Variants in WDR12 observed in about 807,000 individuals in gnomAD.
WDR12 encodes ribosome biogenesis protein WDR12.
WDR12 carries 42 observed loss-of-function variants against 64.3 expected under a neutral mutation model. That is an observed-to-expected ratio of 0.65 (90% CI 0.51 to 0.84). The LOEUF (loss-of-function observed/expected upper bound fraction) is 0.84. Ranked by LOEUF, WDR12 falls within the 40% of genes least tolerant of loss-of-function variation. The probability of loss-of-function intolerance (pLI) is 0.00; values close to 1 mark genes in which losing one functional copy is unlikely to be tolerated. For missense variants in WDR12, 469 were observed against 494.6 expected, an observed-to-expected ratio of 0.95 and a Z score of 0.49; for synonymous variants, 158 against 173.3, an observed-to-expected ratio of 0.91 and a Z score of 0.70.
rs1056785711 is a variant in WDR12, at chr2:202,877,937, A to T, written c.*2923T>A. On this transcript the variant is annotated 3_prime_UTR_variant, in exon 13 of 13. Coordinates refer to ENST00000261015, the MANE Select transcript of WDR12 (RefSeq NM_018256.4). Reference sequence around the variant, plus strand: ...TGAAAGGTCTCATGGCTTTTGAGGGAAAGGGTGTGGAGCAATATCAGAGGA... The same window carrying T: ...TGAAAGGTCTCATGGCTTTTGAGGGTAAGGGTGTGGAGCAATATCAGAGGA... 6.6e-6 allele frequency: 1 copy of T among 152,248 alleles called. No homozygotes were observed. The highest frequency in any genetic ancestry group is 1.5e-5 in the Non-Finnish European group (1 of 68,106). 9.4% of individuals were successfully genotyped at this position (152,248 alleles called of 1,614,324 possible). A position where few individuals can be genotyped will look rare whatever the true frequency, so the allele number is the denominator to read the frequency against.
chr2:202,896,985 AAAAAC>A (rs541694225), intron 5 of WDR12, among the ~76,000 whole-genome samples: 97 of 152,212 alleles, frequency 6.4e-4, no homozygotes, highest in East Asian at 2.1e-3. Flanking sequence ...AGACTATCTC[AAAAAC>A]AAAACAAAAC....
rs779782387 is a variant in WDR12 at position 202,876,622 on chromosome 2, C to A, written c.*4238G>T. On this transcript the variant is annotated 3_prime_UTR_variant, in exon 13 of 13. Coordinates refer to ENST00000261015, the MANE Select transcript of WDR12 (RefSeq NM_018256.4). ...ATATTTTTTCCTTTAAGAATAGGAG[C>A]CATAGTAATATCTATTAAAAAATCT... is the stretch of plus-strand genomic sequence containing the variant. The A allele has an allele frequency of 1.3e-5, 2 of 152,100 alleles. No individual in the cohort carries two copies. Among genetic ancestry groups the A allele is most frequent in the Non-Finnish European group, 2.9e-5 (2 of 68,028 alleles). 9.4% of individuals were successfully genotyped at this position (152,100 alleles called of 1,614,324 possible).
rs774582307 is a variant in WDR12, at chr2:202,911,504, G to A, written c.-28C>T. On this transcript the variant is annotated 5_prime_UTR_variant, in exon 1 of 13. Transcript: ENST00000261015. ...CGAGGAGTACACACGACTTGCCCAC[G>A]GAAACGTACGGGTTAGCAGACCCAC... The A allele has an allele frequency of 6.2e-7, 1 of 1,612,502 alleles. No homozygotes were observed. Among genetic ancestry groups the A allele is most frequent in the Non-Finnish European group, 8.5e-7 (1 of 1,178,554 alleles).
At chr2:202,883,187 G>A (rs770656414) in intron 11 of WDR12, among the ~76,000 whole-genome samples, 3 of 152,148 alleles carry the variant, frequency 2.0e-5, no homozygotes, top group African/African-American at 4.8e-5. Flanking sequence ...CCAGGCTGGA[G>A]TGCACTGATG....
chr2:202,895,820 G>A (rs1436410344), intron 6 of WDR12, among the ~76,000 whole-genome samples: 7 of 151,436 alleles, frequency 4.6e-5, no homozygotes, highest in African/African-American at 1.7e-4. Context: ...GTGAGCCACC[G>A]CGCCCGGCCC....
At chr2:202,883,823 T>TG in intron 10 of WDR12, 82 bp from the exon 11 acceptor site, 1 of 1,474,864 alleles carries the variant, frequency 6.8e-7, no homozygotes, top group South Asian at 1.3e-5. Context: ...TTGTAGAAAT[T>TG]TTTTTTTTGA....
intron 10 of WDR12, 49 bp downstream of exon 10, chr2:202,884,149 A>C (rs1199260242): frequency 6.4e-7 from 1 of 1,568,058 alleles, no homozygotes; most frequent in Non-Finnish European, 8.7e-7. Flanking sequence ...AGAGATGAGA[A>C]ATAGATGTTA....
In WDR12 at chr2:202,882,698, A is replaced by G; in HGVS notation, c.1194+13T>C. Reference sequence around the variant, plus strand: ...TCACTTTCCTCTTCATCAAATAACTAATAAATTCTTACCCCTGTGTCTGTC... The same window carrying G: ...TCACTTTCCTCTTCATCAAATAACTGATAAATTCTTACCCCTGTGTCTGTC... On this transcript the variant is annotated intron_variant, in intron 12 of 12. Coordinates refer to ENST00000261015, the MANE Select transcript of WDR12 (RefSeq NM_018256.4). 1 of 1,610,614 alleles carries G rather than the reference A, an allele frequency of 6.2e-7. No individual in the cohort carries two copies. Among genetic ancestry groups the G allele is most frequent in the Non-Finnish European group, 8.5e-7 (1 of 1,177,090 alleles).
chr2:202,895,263 A>C (rs528536292), intron 6 of WDR12, among the ~76,000 whole-genome samples: 127 of 152,246 alleles, frequency 8.3e-4, no homozygotes, highest in African/African-American at 2.7e-3. Context: ...CATATTAATA[A>C]ATCAATATGG....
chr2:202,900,337 A>G (rs1303333766), intron 3 of WDR12, among the ~76,000 whole-genome samples: 1 of 151,926 alleles, frequency 6.6e-6, no homozygotes, highest in Non-Finnish European at 1.5e-5. Context: ...TCAGAAAAAA[A>G]AAAAAAAAAG....
rs1306660291 is a variant in WDR12, at chr2:202,882,713, C to T, written c.1192G>A (p.Gly398Arg). Reference sequence around the variant, plus strand: ...TCAAATAACTAATAAATTCTTACCCCTGTGTCTGTCCAGTCTACACTCAGA... The same window carrying T: ...TCAAATAACTAATAAATTCTTACCCTTGTGTCTGTCCAGTCTACACTCAGA... The part of the protein sequence containing the change: ...KVLSVDWTDT[G>R]LLLSGGADNK... The change falls in exon 12 of 13, where the codon GGG (glycine) becomes AGG (arginine). Residue 398 changes from glycine to arginine, a missense_variant and splice_region_variant. Transcript: ENST00000261015. 5 of 1,613,482 alleles carry T rather than the reference C, an allele frequency of 3.1e-6. No individual in the cohort carries two copies. The highest frequency in any genetic ancestry group is 2.5e-6 in the Non-Finnish European group (3 of 1,179,456).
rs1226330818 is a variant in WDR12 at position 202,877,594 on chromosome 2, G to A, written c.*3266C>T. 6.6e-6 allele frequency: 1 copy of A among 152,258 alleles called. No individual in the cohort carries two copies. Among genetic ancestry groups the A allele is most frequent in the African/African-American group, 2.4e-5 (1 of 41,454 alleles). 9.4% of individuals were successfully genotyped at this position (152,258 alleles called of 1,614,324 possible). On this transcript the variant is annotated 3_prime_UTR_variant, in exon 13 of 13. Coordinates refer to ENST00000261015, the MANE Select transcript of WDR12 (RefSeq NM_018256.4). ...TGAGAGGCCAGCTTGAGCCCAGAAG[G>A]TGGAGGTTGCAGTAAGCCAAGATTA...
chr2:202,893,820 T>C (rs1688194022), intron 7 of WDR12, among the ~76,000 whole-genome samples: 1 of 152,150 alleles, frequency 6.6e-6, no homozygotes, highest in Non-Finnish European at 1.5e-5. Context: ...TCCTCCTCCC[T>C]CAATTTGCTC....
intron 8 of WDR12, among the ~76,000 whole-genome samples, chr2:202,885,814 C>A (rs563034948): frequency 6.6e-6 from 1 of 152,204 alleles, no homozygotes; most frequent in South Asian, 2.1e-4. Flanking sequence ...AGTCTCAACG[C>A]TTTGGGAGGC....
chr2:202,896,954 G>A (rs150788469), intron 5 of WDR12, among the ~76,000 whole-genome samples: 13,529 of 151,746 alleles, frequency 0.089, 743 homozygotes, highest in Non-Finnish European at 0.12. Context: ...GCCACTGCAC[G>A]CTAGCCTGGG....
intron 4 of WDR12, among the ~76,000 whole-genome samples, chr2:202,897,946 T>C (rs1688282107): frequency 7.3e-6 from 1 of 137,206 alleles, no homozygotes; most frequent in Admixed American, 7.6e-5. Flanking sequence ...ATCATATATA[T>C]ACATAGTATA....
rs1457397864 is a variant in WDR12 at position 202,882,747 on chromosome 2, T to G, written c.1158A>C (p.Glu386Asp). 1 of 1,614,128 alleles carries G rather than the reference T, an allele frequency of 6.2e-7. No individual in the cohort carries two copies. The highest frequency in any genetic ancestry group is 1.7e-5 in the Admixed American group (1 of 60,028). ...KAPLYDLAAH[E>D]DKVLSVDWTD... ...TCCAGTCTACACTCAGAACTTTGTC[T>G]TCATGAGCAGCCAGATCATAGAGAG... Residue 386 changes from glutamate to aspartate, a missense_variant, in exon 12 of 13, where the codon GAA becomes GAC. Coordinates refer to ENST00000261015, the MANE Select transcript of WDR12 (RefSeq NM_018256.4).
chr2:202,903,502 A>C (rs1574410483), intron 2 of WDR12, among the ~76,000 whole-genome samples: 1 of 78,294 alleles, frequency 1.3e-5, no homozygotes, highest in Non-Finnish European at 2.5e-5. Flanking sequence ...GAAGGAAGGA[A>C]GTGAGGGAGG....
At chr2:202,882,969 G>A in intron 11 of WDR12, 186 bp from the exon 12 acceptor site, 1 of 501,188 alleles carries the variant, frequency 2.0e-6, no homozygotes, top group East Asian at 3.3e-5. Flanking sequence ...GTAGACCACA[G>A]ACATTTATTA....
Sources: gnomAD v4.1 joint callset for allele counts (sites outside exome capture counted in the v4.1 genomes callset) on GRCh38, gnomAD v4.1.1 for gene constraint, MANE v1.5 for transcripts, NCBI Gene and HGNC (gene_info 2026-07-23, HGNC 2026-07-21) for gene names.